ATP13A5: variants seen among roughly 807,000 people sequenced by gnomAD.
ATP13A5 encodes ATPase 13A5.
Under a neutral mutation model 150.2 loss-of-function variants are expected in ATP13A5, and 149 were observed. The observed-to-expected ratio is 0.99, with a 90% CI of 0.87 to 1.14. ATP13A5 has a LOEUF of 1.14. ATP13A5 is among the 50% of genes most tolerant of loss of function. ATP13A5 has a pLI of 0.00. For synonymous variants in ATP13A5, 497 were observed against 522.2 expected (o/e 0.95, Z 0.66); for missense variants, 1,383 against 1,449.3 (o/e 0.95, Z 0.74).
chr3:193,340,437 G>C (rs1712072433), intron 9 of ATP13A5, among the ~76,000 whole-genome samples: 3 of 152,158 alleles, frequency 2.0e-5, no homozygotes, highest in Middle Eastern at 3.2e-3. Flanking sequence ...GAGGACGAAA[G>C]GATCAAAGGA....
At chr3:193,321,984 T>C in intron 15 of ATP13A5, 147 bp from the exon 16 acceptor site, 7 of 957,158 alleles carry the variant, frequency 7.3e-6, no homozygotes, top group Non-Finnish European at 1.1e-5. Context: ...TGTGTGTGTG[T>C]GTGGCTGCCT....
At chr3:193,354,468 A>T (rs1370137728) in intron 5 of ATP13A5, among the ~76,000 whole-genome samples, 1 of 152,110 alleles carries the variant, frequency 6.6e-6, no homozygotes, top group African/African-American at 2.4e-5. Context: ...TTTCATTTTG[A>T]GTTACTTTTA....
At chr3:193,322,714 T>C (rs1480080503) in intron 14 of ATP13A5, 140 bp from the exon 15 acceptor site, 1 of 635,580 alleles carries the variant, frequency 1.6e-6, no homozygotes, top group Non-Finnish European at 2.7e-6. Context: ...CTTAATACTG[T>C]CATTGTCAAA....
intron 12 of ATP13A5, among the ~76,000 whole-genome samples, chr3:193,330,228 G>T (rs1326110019): frequency 6.6e-6 from 1 of 152,068 alleles, no homozygotes; most frequent in Admixed American, 6.5e-5. Context: ...CTTTCCTCAG[G>T]CCTCTATTAA....
Position 193,274,924 on chromosome 3 carries a change from A to T in ATP13A5, c.*118T>A. ...GCAAGGTTTAATTCATTGAAAATAT[A>T]CTTTGAATGCTTGAATGGAGAGAGG... On this transcript the variant is annotated 3_prime_UTR_variant, in exon 30 of 30. Transcript: ENST00000342358. 1 of 1,399,842 alleles carries T rather than the reference A, an allele frequency of 7.1e-7. No homozygotes were observed. The highest frequency in any genetic ancestry group is 9.8e-7 in the Non-Finnish European group (1 of 1,023,054). 86.7% of individuals were successfully genotyped at this position (1,399,842 alleles called of 1,614,324 possible).
At chr3:193,349,080 G>A (rs1980263) in intron 7 of ATP13A5, among the ~76,000 whole-genome samples, 66,563 of 152,096 alleles carry the variant, frequency 0.44, 14,880 homozygotes, top group Middle Eastern at 0.47. Flanking sequence ...ATTGTAAACC[G>A]TAAAGTCCTA....
chr3:193,347,978 T>C (rs1712412317), intron 7 of ATP13A5, among the ~76,000 whole-genome samples: 1 of 152,196 alleles, frequency 6.6e-6, no homozygotes, highest in African/African-American at 2.4e-5. Context: ...ATTATGTATC[T>C]GTGGATTCCT....
At chr3:193,288,292 T>A (rs1241725047) in intron 26 of ATP13A5, among the ~76,000 whole-genome samples, 1 of 152,148 alleles carries the variant, frequency 6.6e-6, no homozygotes, top group Non-Finnish European at 1.5e-5. Context: ...AAAATGCTAT[T>A]AAACAGCCTC....
At chr3:193,315,312 T>G (rs575204905) in intron 17 of ATP13A5, among the ~76,000 whole-genome samples, 2 of 152,302 alleles carry the variant, frequency 1.3e-5, no homozygotes, top group East Asian at 3.9e-4. Flanking sequence ...CTAAATCTGT[T>G]TTTTCCAGTT....
intron 27 of ATP13A5, among the ~76,000 whole-genome samples, chr3:193,282,107 A>G (rs1717522529): frequency 1.3e-5 from 2 of 151,864 alleles, no homozygotes; most frequent in African/African-American, 2.4e-5. Flanking sequence ...GAGGCAGAGA[A>G]TTGCTTGATC....
chr3:193,310,586 A>G, intron 21 of ATP13A5, 52 bp downstream of exon 21: 1 of 1,411,740 alleles, frequency 7.1e-7, no homozygotes. Flanking sequence ...TTATTGACCC[A>G]TAGGTAGCAA....
intron 5 of ATP13A5, among the ~76,000 whole-genome samples, chr3:193,360,711 C>T (rs1712971475): frequency 6.6e-6 from 1 of 152,148 alleles, no homozygotes; most frequent in Admixed American, 6.5e-5. Context: ...GAGTCTCACT[C>T]TGTTGCCCAG....
intron 1 of ATP13A5, among the ~76,000 whole-genome samples, chr3:193,372,730 C>A (rs1205237433): frequency 6.6e-6 from 1 of 152,202 alleles, no homozygotes. Flanking sequence ...AACTACCAAA[C>A]CCAAGTCACT....
In ATP13A5 at chr3:193,310,666, T is replaced by A. The variant is rs761966365; in HGVS notation, c.2497A>T (p.Ser833Cys). The A allele has an allele frequency of 9.9e-6, 16 of 1,608,624 alleles. No homozygotes were observed. The highest frequency in any genetic ancestry group is 1.4e-5 in the Non-Finnish European group (16 of 1,178,712). The change falls in exon 21 of 30, where the codon AGC becomes TGC. Residue 833 changes from serine (S) to cysteine (C), a missense_variant. Coordinates refer to ENST00000342358, the MANE Select transcript of ATP13A5 (RefSeq NM_198505.4). The part of the protein sequence containing the change: ...FARMSPGQKS[S>C]LIEEFQKLNY... ...AATTTCTGAAATTCTTCAATAAGGC[T>A]TGATTTCTGCCCAGGAGACATTCTT...
intron 7 of ATP13A5, among the ~76,000 whole-genome samples, chr3:193,347,390 A>G (rs1309609895): frequency 6.6e-6 from 1 of 152,188 alleles, no homozygotes; most frequent in Non-Finnish European, 1.5e-5. Context: ...TCTTTTCACC[A>G]TCATTTACTT....
At chr3:193,358,273 G>C (rs1194521333) in intron 5 of ATP13A5, among the ~76,000 whole-genome samples, 1 of 152,162 alleles carries the variant, frequency 6.6e-6, no homozygotes, top group African/African-American at 2.4e-5. Context: ...CAGACATGTA[G>C]AGGTTGAGAA....
chr3:193,297,850 T>C (rs1397097100), intron 25 of ATP13A5, among the ~76,000 whole-genome samples: 4 of 152,118 alleles, frequency 2.6e-5, no homozygotes, highest in African/African-American at 9.7e-5. Context: ...CAGTGTCATA[T>C]AGTAAGTCGG....
At chr3:193,342,317 T>C (rs1451771081) in intron 9 of ATP13A5, among the ~76,000 whole-genome samples, 1 of 152,224 alleles carries the variant, frequency 6.6e-6, no homozygotes, top group East Asian at 1.9e-4. Flanking sequence ...GTTTCAGGAA[T>C]CTTACCTTAA....
chr3:193,347,524 C>CTT (rs1553820269), intron 7 of ATP13A5, among the ~76,000 whole-genome samples: 2 of 145,386 alleles, frequency 1.4e-5, no homozygotes, highest in African/African-American at 2.6e-5. Context: ...CCTTAGATTT[C>CTT]TTTTTTTTTT....
Sources: gnomAD v4.1 joint callset for allele counts (sites outside exome capture counted in the v4.1 genomes callset) on GRCh38, gnomAD v4.1.1 for gene constraint, MANE v1.5 for transcripts, NCBI Gene and HGNC (gene_info 2026-07-23, HGNC 2026-07-21) for gene names.